The following EPC1 variants were observed in gnomAD, a reference collection of about 807,000 sequenced individuals.
EPC1 encodes the protein enhancer of polycomb homolog 1.
A neutral mutation model predicts 98.4 loss-of-function variants in EPC1; 12 were observed. The ratio of observed to expected loss-of-function variants is 0.12; its 90% CI spans 0.08 to 0.20. The LOEUF (loss-of-function observed/expected upper bound fraction) is 0.20. Ranked by LOEUF, EPC1 falls within the 10% of genes least tolerant of loss-of-function variation. The pLI is 1.00. For synonymous variants in EPC1, 357 were observed against 363.9 expected (o/e 0.98, Z 0.21); for missense variants, 729 against 990.5 (o/e 0.74, Z 3.54).
At chr10:32,294,311 T>C (rs1045076628) in intron 2 of EPC1, among the ~76,000 whole-genome samples, 3 of 152,246 alleles carry the variant, frequency 2.0e-5, no homozygotes, top group African/African-American at 7.2e-5. Context: ...TTTGGAATAT[T>C]TGAATACGTA....
intron 1 of EPC1, among the ~76,000 whole-genome samples, chr10:32,358,043 C>A (rs1300251324): frequency 6.6e-6 from 1 of 151,632 alleles, no homozygotes; most frequent in East Asian, 1.9e-4. Flanking sequence ...TTAGTGGAGA[C>A]AAGGTTTCAC....
intron 3 of EPC1, 50 bp from the exon 4 acceptor site, chr10:32,293,244 C>A: frequency 7.4e-7 from 1 of 1,351,726 alleles, no homozygotes; most frequent in Non-Finnish European, 1.0e-6. Context: ...ATACAAGGTT[C>A]ATAAGTATTT....
At chr10:32,324,132 T>C (rs1051924246) in intron 1 of EPC1, among the ~76,000 whole-genome samples, 1 of 151,268 alleles carries the variant, frequency 6.6e-6, no homozygotes, top group African/African-American at 2.4e-5. Context: ...AAAAACAGGG[T>C]TTCACCATGT....
In EPC1 at chr10:32,293,275, A is replaced by G. The variant is rs1834956091; in HGVS notation, c.460-81T>C. On this transcript the variant is annotated intron_variant, in intron 3 of 13. Transcript: ENST00000319778. ...TATTTACTTCTAAATTTAAAGGACA[A>G]TAATCAATATTACAACATTATTAAC... is the stretch of plus-strand genomic sequence containing the variant. 2.4e-5 allele frequency: 26 copies of G among 1,076,756 alleles called. No homozygotes were observed. The South Asian group carries it at 3.0e-4, about 13-fold the overall frequency. 66.7% of individuals were successfully genotyped at this position (1,076,756 alleles called of 1,614,324 possible). A position where few individuals can be genotyped will look rare whatever the true frequency, so the allele number is the denominator to read the frequency against.
intron 1 of EPC1, among the ~76,000 whole-genome samples, chr10:32,343,824 T>C (rs1838552336): frequency 6.6e-6 from 1 of 152,206 alleles, no homozygotes; most frequent in Non-Finnish European, 1.5e-5. Flanking sequence ...ATTTTCCCAA[T>C]GTTAAAAGAC....
chr10:32,297,098 C>T (rs998751149), intron 2 of EPC1, among the ~76,000 whole-genome samples: 2 of 151,898 alleles, frequency 1.3e-5, no homozygotes, highest in Admixed American at 1.3e-4. Context: ...ACACCTCAAC[C>T]CAAGCTAATA....
At chr10:32,344,081 T>C (rs1287943129) in intron 1 of EPC1, among the ~76,000 whole-genome samples, 1 of 152,218 alleles carries the variant, frequency 6.6e-6, no homozygotes, top group Admixed American at 6.5e-5. Context: ...AGGCAGAAGT[T>C]TGCTTTAACC....
At chr10:32,349,036 C>T (rs1839032149), upstream of EPC1, among the ~76,000 whole-genome samples, 1 of 152,212 alleles carries the variant, frequency 6.6e-6, no homozygotes, top group African/African-American at 2.4e-5. Flanking sequence ...CATTAGATAG[C>T]AGTCACTTTC....
intron 6 of EPC1, 90 bp from the exon 7 acceptor site, chr10:32,287,364 C>T: frequency 7.7e-7 from 1 of 1,293,110 alleles, no homozygotes; most frequent in South Asian, 1.3e-5. Context: ...AAGTTTATTG[C>T]TATAATGAGG....
chr10:32,340,447 AT>A (rs1356681216), intron 1 of EPC1, among the ~76,000 whole-genome samples: 1 of 152,212 alleles, frequency 6.6e-6, no homozygotes, highest in Non-Finnish European at 1.5e-5. Context: ...ATCACTACCT[AT>A]TATTACAGGA....
At chr10:32,295,578 C>T (rs2479358) in intron 2 of EPC1, among the ~76,000 whole-genome samples, 105,765 of 151,960 alleles carry the variant, frequency 0.7, 36,895 homozygotes, top group Middle Eastern at 0.78. Flanking sequence ...GTCATTATTA[C>T]GTAAACAGCT....
chr10:32,328,775 C>A (rs1564549732), intron 1 of EPC1, among the ~76,000 whole-genome samples: 1 of 152,090 alleles, frequency 6.6e-6, no homozygotes, highest in South Asian at 2.1e-4. Flanking sequence ...CTGCAGTGCT[C>A]CTCTAATGTT....
At chr10:32,302,099 C>T (rs1221073472) in intron 2 of EPC1, among the ~76,000 whole-genome samples, 1 of 151,770 alleles carries the variant, frequency 6.6e-6, no homozygotes, top group Non-Finnish European at 1.5e-5. Flanking sequence ...TGGTGAAACC[C>T]CATCTCTACT....
chr10:32,352,133 CT>C (rs1839131880), upstream of EPC1, among the ~76,000 whole-genome samples: 1 of 151,184 alleles, frequency 6.6e-6, no homozygotes, highest in Non-Finnish European at 1.5e-5. Flanking sequence ...CAACCTCCGC[CT>C]CCCAGGTTCA....
intron 13 of EPC1, chr10:32,269,337 G>C: frequency 2.1e-6 from 1 of 475,716 alleles, no homozygotes; most frequent in Non-Finnish European, 3.8e-6. Context: ...AAATTCCACA[G>C]TCAACTACAT....
At chr10:32,328,303 A>G (rs868075690) in intron 1 of EPC1, among the ~76,000 whole-genome samples, 1 of 152,274 alleles carries the variant, frequency 6.6e-6, no homozygotes, top group Middle Eastern at 3.4e-3. Flanking sequence ...ACATAAATAC[A>G]CACACACAGA....
At chr10:32,331,947 T>C (rs558571894) in intron 1 of EPC1, among the ~76,000 whole-genome samples, 1 of 152,318 alleles carries the variant, frequency 6.6e-6, no homozygotes, top group East Asian at 1.9e-4. Flanking sequence ...TAAATCTTAC[T>C]TTATTAGTCT....
At chr10:32,327,860 A>T (rs1203882206) in intron 1 of EPC1, among the ~76,000 whole-genome samples, 1 of 152,230 alleles carries the variant, frequency 6.6e-6, no homozygotes, top group African/African-American at 2.4e-5. Context: ...CATGTCTGTG[A>T]TCTGTTGACT....
chr10:32,320,084 G>A (rs779427142), intron 1 of EPC1, among the ~76,000 whole-genome samples: 13 of 152,110 alleles, frequency 8.5e-5, no homozygotes, highest in Non-Finnish European at 1.8e-4. Context: ...AAAGCAAATA[G>A]GGCAAAGTGT....
Sources: gnomAD v4.1 joint callset for allele counts (sites outside exome capture counted in the v4.1 genomes callset) on GRCh38, gnomAD v4.1.1 for gene constraint, MANE v1.5 for transcripts, NCBI Gene and HGNC (gene_info 2026-07-23, HGNC 2026-07-21) for gene names.